ADAM7: variants seen among roughly 807,000 people sequenced by gnomAD.
ADAM7 encodes the protein ADAM metallopeptidase domain 7.
ADAM7 carries 97 observed loss-of-function variants against 102.9 expected under a neutral mutation model. That is an observed-to-expected ratio of 0.94 (90% CI 0.80 to 1.12). The LOEUF (loss-of-function observed/expected upper bound fraction) is 1.12, where lower values mean the gene tolerates loss of function less well. Among genes scored for constraint, ADAM7 ranks in the 50% most tolerant of loss-of-function variants. The pLI is 0.00. For missense variants in ADAM7, 991 were observed against 908.7 expected (o/e 1.09, Z -1.16); for synonymous variants, 334 against 304.4 (o/e 1.10, Z -1.01).
In ADAM7 at chr8:24,441,069, T is replaced by G; in HGVS notation, c.-40T>G. 6.3e-7 allele frequency: 1 copy of G among 1,589,580 alleles called. No homozygotes were observed. The highest frequency in any genetic ancestry group is 8.6e-7 in the Non-Finnish European group (1 of 1,157,980). On this transcript the variant is annotated 5_prime_UTR_variant, in exon 1 of 22. Coordinates refer to ENST00000175238, the MANE Select transcript of ADAM7 (RefSeq NM_003817.4). ...AGGAGGAAGAAAGGTGAACTCCTTTTCTCAAGCACTTCTGCTCTCCTCTAC... is the reference window on the plus strand; with the variant it reads ...AGGAGGAAGAAAGGTGAACTCCTTTGCTCAAGCACTTCTGCTCTCCTCTAC...
intron 12 of ADAM7, among the ~76,000 whole-genome samples, chr8:24,490,108 C>T (rs935188350): frequency 6.6e-6 from 1 of 152,064 alleles, no homozygotes; most frequent in Non-Finnish European, 1.5e-5. Flanking sequence ...ATGCACAATA[C>T]CAGGAGGTCT....
intron 3 of ADAM7, among the ~76,000 whole-genome samples, chr8:24,450,097 T>G (rs1374179373): frequency 1.3e-5 from 2 of 152,072 alleles, no homozygotes; most frequent in Non-Finnish European, 2.9e-5. Context: ...GCCTCCAGCT[T>G]TGTTCTTTTG....
chr8:24,487,418 A>T (rs1820179624), intron 11 of ADAM7, 101 bp downstream of exon 11: 2 of 1,399,578 alleles, frequency 1.4e-6, no homozygotes, highest in Non-Finnish European at 1.9e-6. Flanking sequence ...AGGCCGAGGC[A>T]GGTGGATCAC....
rs758699882 is a variant in ADAM7 at position 24,492,078 on chromosome 8, G to A, written c.1532G>A (p.Cys511Tyr). 4 of 1,612,918 alleles carry A rather than the reference G, an allele frequency of 2.5e-6. No individual in the cohort carries two copies. The highest frequency in any genetic ancestry group is 3.4e-6 in the Non-Finnish European group (4 of 1,179,486). ...AAATGTCCAACTCGTGAGGATCAGTGCTCTGAACTATTTGATGATGGTGAG... is the reference window on the plus strand; with the variant it reads ...AAATGTCCAACTCGTGAGGATCAGTACTCTGAACTATTTGATGATGGTGAG... ...MGKCPTREDQ[C>Y]SELFDDEAIE... Residue 511 changes from cysteine (C) to tyrosine (Y), a missense_variant, in exon 14 of 22, where the codon TGC becomes TAC. By Grantham distance (194) the Cys-to-Tyr change is radical (BLOSUM62 -2). Transcript: ENST00000175238.
intron 8 of ADAM7, among the ~76,000 whole-genome samples, chr8:24,481,268 A>G (rs1819943051): frequency 6.6e-6 from 1 of 152,196 alleles, no homozygotes; most frequent in African/African-American, 2.4e-5. Flanking sequence ...TATTCATATC[A>G]TGTAGGTTAA....
At chr8:24,483,132 G>A (rs990729280) in intron 9 of ADAM7, among the ~76,000 whole-genome samples, 77 of 152,278 alleles carry the variant, frequency 5.1e-4, no homozygotes, top group African/African-American at 1.8e-3. Context: ...ATATTCCTAA[G>A]TAAAAGCGTG....
intron 8 of ADAM7, 94 bp from the exon 9 acceptor site, chr8:24,482,048 T>C (rs976464093): frequency 5.5e-5 from 51 of 926,620 alleles, no homozygotes; most frequent in Non-Finnish European, 1.9e-5. Context: ...AAGTTCAAAT[T>C]ATTGTTTTTT....
intron 6 of ADAM7, 100 bp downstream of exon 6, chr8:24,467,088 G>A (rs1013941195): frequency 8.7e-7 from 1 of 1,150,794 alleles, no homozygotes; most frequent in Non-Finnish European, 1.2e-6. Flanking sequence ...AAATATATGT[G>A]CTACTTTCAG....
At chr8:24,504,359 C>A (rs1820875626) in intron 20 of ADAM7, among the ~76,000 whole-genome samples, 2 of 151,672 alleles carry the variant, frequency 1.3e-5, no homozygotes, top group South Asian at 4.2e-4. Context: ...CATAGTGATA[C>A]CCTGTCTCAA....
chr8:24,485,661 A>C (rs1820117770), intron 10 of ADAM7, among the ~76,000 whole-genome samples: 1 of 152,188 alleles, frequency 6.6e-6, no homozygotes, highest in South Asian at 2.1e-4. Context: ...TATAAGGACA[A>C]ATAATGCACA....
chr8:24,501,673 T>C, intron 20 of ADAM7, 97 bp downstream of exon 20: 1 of 853,328 alleles, frequency 1.2e-6, no homozygotes, highest in South Asian at 2.0e-5. Flanking sequence ...CTAAGTGACA[T>C]GGGAAGTGCA....
At chr8:24,462,148 T>C (rs1819265437) in intron 3 of ADAM7, among the ~76,000 whole-genome samples, 1 of 152,246 alleles carries the variant, frequency 6.6e-6, no homozygotes, top group South Asian at 2.1e-4. Context: ...AGATTAACTT[T>C]GTTGGACTTA....
In ADAM7 at chr8:24,463,042, C is replaced by T. The variant is rs1819300782; in HGVS notation, c.234-840C>T. On this transcript the variant is annotated intron_variant, in intron 3 of 21. Transcript: ENST00000175238. ...CATGTAATAGCAGCCACATATATGG[C>T]CAATATAGCCTCGAATGCTTATTGT... is the stretch of plus-strand genomic sequence containing the variant. Among the ~76,000 whole-genome samples, 3 of 152,016 alleles carry T rather than the reference C, an allele frequency of 2.0e-5. No homozygotes were observed. The South Asian group carries it at 6.2e-4, about 32-fold the overall frequency.
At chr8:24,447,302 T>A (rs2129373154) in intron 3 of ADAM7, 40 bp downstream of exon 3, 2 of 1,213,076 alleles carry the variant, frequency 1.6e-6, no homozygotes, top group East Asian at 5.5e-5. Flanking sequence ...TAGATTTTAG[T>A]AATTATGGTA....
intron 15 of ADAM7, 130 bp from the exon 16 acceptor site, chr8:24,492,913 C>T: frequency 1.1e-6 from 1 of 898,520 alleles, no homozygotes; most frequent in South Asian, 2.1e-5. Context: ...TTTTCTCTGC[C>T]CATTACAGCC....
intron 12 of ADAM7, among the ~76,000 whole-genome samples, 185 bp downstream of exon 12, chr8:24,489,518 A>C (rs1820265354): frequency 6.6e-6 from 1 of 152,150 alleles, no homozygotes; most frequent in Non-Finnish European, 1.5e-5. Context: ...AGGGCTTCTT[A>C]TCAAGTCATG....
At chr8:24,461,735 G>C (rs2129380100) in intron 3 of ADAM7, among the ~76,000 whole-genome samples, 1 of 151,658 alleles carries the variant, frequency 6.6e-6, no homozygotes, top group East Asian at 1.9e-4. Flanking sequence ...CTCTCATTGA[G>C]TTTGTCAACT....
intron 4 of ADAM7, 129 bp downstream of exon 4, chr8:24,464,089 ACT>A (rs1247501302): frequency 2.7e-6 from 2 of 727,626 alleles, no homozygotes; most frequent in African/African-American, 3.6e-5. Context: ...TGAATTGATT[ACT>A]CTCACTGAAA....
chr8:24,464,494 A>T (rs62500002), intron 4 of ADAM7, among the ~76,000 whole-genome samples: 6,864 of 152,182 alleles, frequency 0.045, 222 homozygotes, highest in Non-Finnish European at 0.064. Flanking sequence ...TTACATCCCC[A>T]TTGCTTTTTT....
Sources: allele counts gnomAD v4.1 joint callset (sites outside exome capture counted in the v4.1 genomes callset), GRCh38; gene constraint gnomAD v4.1.1; transcripts MANE v1.5; gene names NCBI Gene and HGNC (gene_info 2026-07-23, HGNC 2026-07-21).